Variants in ZBTB20 observed in about 807,000 individuals in gnomAD.
The protein encoded by ZBTB20 is zinc finger and BTB domain-containing protein 20.
Under a neutral mutation model 56.9 loss-of-function variants are expected in ZBTB20, and 9 were observed. The observed-to-expected ratio is 0.16, with a 90% CI of 0.10 to 0.28. ZBTB20 has a LOEUF of 0.28. Among genes scored for constraint, ZBTB20 ranks in the 10% least tolerant of loss-of-function variants. The pLI, the probability that ZBTB20 is intolerant of heterozygous loss-of-function variation, is 1.00. For missense variants in ZBTB20, 655 were observed against 1,003.0 expected (o/e 0.65, Z 4.69); for synonymous variants, 417 against 420.7 (o/e 0.99, Z 0.11).
intron 2 of ZBTB20, among the ~76,000 whole-genome samples, chr3:115,049,475 G>C (rs1316438420): frequency 1.3e-5 from 2 of 151,958 alleles, no homozygotes; most frequent in East Asian, 3.8e-4. Context: ...TCTTACAATA[G>C]AACCCAAGTC....
chr3:115,128,715 G>A (rs1317186069), intron 1 of ZBTB20, among the ~76,000 whole-genome samples: 1 of 143,148 alleles, frequency 7.0e-6, no homozygotes, highest in Non-Finnish European at 1.5e-5. Context: ...GGCAGTGGAG[G>A]GGAGGGGAGG....
intron 7 of ZBTB20, among the ~76,000 whole-genome samples, chr3:114,478,914 G>A (rs867395678): frequency 6.6e-6 from 1 of 152,164 alleles, no homozygotes; most frequent in Admixed American, 6.5e-5. Context: ...AAATACTAAA[G>A]GGGATGCTGC....
chr3:114,961,717 T>C (rs538802392), intron 3 of ZBTB20, among the ~76,000 whole-genome samples: 1 of 152,276 alleles, frequency 6.6e-6, no homozygotes, highest in East Asian at 1.9e-4. Flanking sequence ...AAATAATACT[T>C]GTCTCATAAC....
At chr3:115,092,477 A>G (rs968702154) in intron 1 of ZBTB20, among the ~76,000 whole-genome samples, 8 of 152,112 alleles carry the variant, frequency 5.3e-5, no homozygotes, top group Admixed American at 5.2e-4. Flanking sequence ...AGTATTTTGC[A>G]TTTCATGAAT....
intron 10 of ZBTB20, among the ~76,000 whole-genome samples, chr3:114,375,614 T>C (rs2083525071): frequency 6.6e-6 from 1 of 152,232 alleles, no homozygotes; most frequent in Non-Finnish European, 1.5e-5. Flanking sequence ...GTTGTTCTAA[T>C]GGCCCCGAAC....
intron 10 of ZBTB20, chr3:114,367,302 T>G (rs1038966473): frequency 3.3e-5 from 5 of 152,184 alleles, no homozygotes; most frequent in Admixed American, 1.3e-4. Context: ...GATCTCACTC[T>G]GTCACCCAGG....
intron 2 of ZBTB20, among the ~76,000 whole-genome samples, chr3:114,980,284 T>G (rs1302394171): frequency 6.6e-6 from 1 of 151,998 alleles, no homozygotes; most frequent in African/African-American, 2.4e-5. Flanking sequence ...CAATCTAACC[T>G]GCTTAATTAT....
rs1025811840 is a variant in ZBTB20 at position 114,338,951 on chromosome 3, T to A, written c.*54A>T. The A allele has an allele frequency of 4.8e-6, 7 of 1,448,748 alleles. No individual in the cohort carries two copies. The Admixed American group carries it at 1.7e-4, about 35-fold the overall frequency. 89.7% of individuals were successfully genotyped at this position (1,448,748 alleles called of 1,614,324 possible). ...TCTAGTGCCATAGCTTTTTTGTTTG[T>A]TTGTTTTTTGTTGTTGTTTTGTTTT... On this transcript the variant is annotated 3_prime_UTR_variant, in exon 12 of 12. Coordinates refer to ENST00000675478, the MANE Select transcript of ZBTB20 (RefSeq NM_001348800.3).
intron 1 of ZBTB20, among the ~76,000 whole-genome samples, chr3:115,099,858 G>A (rs1319209675): frequency 2.6e-5 from 4 of 152,098 alleles, no homozygotes; most frequent in Admixed American, 1.3e-4. Flanking sequence ...ACATACGGAA[G>A]GGTCTGTTTT....
intron 6 of ZBTB20, among the ~76,000 whole-genome samples, chr3:114,566,935 G>A (rs74323190): frequency 0.021 from 3,139 of 152,270 alleles, 107 homozygotes; most frequent in African/African-American, 0.071. Context: ...GATGTACCTG[G>A]CTGTGATGTG....
At chr3:114,728,484 T>C (rs2065472114) in intron 5 of ZBTB20, among the ~76,000 whole-genome samples, 1 of 152,202 alleles carries the variant, frequency 6.6e-6, no homozygotes, top group South Asian at 2.1e-4. Context: ...GGAGAATTTG[T>C]TAACTGCCCA....
intron 4 of ZBTB20, among the ~76,000 whole-genome samples, chr3:114,864,108 G>A (rs1560336589): frequency 1.3e-5 from 2 of 152,016 alleles, no homozygotes; most frequent in South Asian, 2.1e-4. Context: ...GCTTCCACCT[G>A]CTGGCTCAGT....
chr3:114,530,692 A>T (rs1424794416), intron 6 of ZBTB20, among the ~76,000 whole-genome samples: 1 of 152,222 alleles, frequency 6.6e-6, no homozygotes, highest in South Asian at 2.1e-4. Context: ...AATTACAGGT[A>T]TTAACTACTG....
chr3:114,686,776 T>C (rs986216464), intron 6 of ZBTB20, among the ~76,000 whole-genome samples: 5 of 152,282 alleles, frequency 3.3e-5, no homozygotes, highest in South Asian at 2.1e-4. Flanking sequence ...TTGATCTACA[T>C]ATCTCTAACG....
intron 6 of ZBTB20, among the ~76,000 whole-genome samples, chr3:114,679,793 C>T (rs945172797): frequency 2.2e-4 from 33 of 151,978 alleles, no homozygotes; most frequent in Admixed American, 1.3e-4. Flanking sequence ...GGGTATATAC[C>T]CAAAAAAATT....
At chr3:114,809,260 A>AT (rs1052927462) in intron 4 of ZBTB20, among the ~76,000 whole-genome samples, 23 of 152,180 alleles carry the variant, frequency 1.5e-4, no homozygotes, top group African/African-American at 5.5e-4. Context: ...TTCTTCAAAT[A>AT]TTTTTGAGCC....
chr3:114,576,396 G>T (rs2054029846), intron 6 of ZBTB20, among the ~76,000 whole-genome samples: 1 of 150,742 alleles, frequency 6.6e-6, no homozygotes, highest in African/African-American at 2.4e-5. Flanking sequence ...CAGCTACTCG[G>T]GAGGCTGAGG....
At position 114,980,228 on chromosome 3, in the gene ZBTB20, C is replaced by T. The variant is rs183106922; in HGVS notation, c.-506-5812G>A. Among the ~76,000 whole-genome samples, 196 of 152,062 alleles carry T rather than the reference C, an allele frequency of 1.3e-3. 1 individual carries two copies. Among genetic ancestry groups the T allele is most frequent in the African/African-American group, 4.3e-3 (177 of 41,512 alleles). On this transcript the variant is annotated intron_variant, in intron 2 of 11. Transcript: ENST00000675478. The stretch of plus-strand genomic sequence containing the variant: ...TTAAATAAATTCTTAAAAACCAACA[C>T]ATCAACAAATAAATAAATTAAAACT...
intron 10 of ZBTB20, among the ~76,000 whole-genome samples, chr3:114,358,424 C>A (rs961664140): frequency 8.5e-5 from 13 of 152,100 alleles, no homozygotes; most frequent in African/African-American, 2.9e-4. Context: ...CTTCACTCCA[C>A]CAAAAAATAA....
Sources: allele counts gnomAD v4.1 joint callset (sites outside exome capture counted in the v4.1 genomes callset), GRCh38; gene constraint gnomAD v4.1.1; transcripts MANE v1.5; gene names NCBI Gene and HGNC (gene_info 2026-07-23, HGNC 2026-07-21).